The following TMPRSS6 variants were observed in gnomAD, a reference collection of about 807,000 sequenced individuals.
TMPRSS6 encodes transmembrane serine protease 6.
A neutral mutation model predicts 101.5 loss-of-function variants in TMPRSS6; 67 were observed. That is an observed-to-expected ratio of 0.66 (90% CI 0.54 to 0.81). TMPRSS6 has a LOEUF of 0.81. TMPRSS6 is among the 30% of genes least tolerant of loss of function. The pLI, the probability that TMPRSS6 is intolerant of heterozygous loss-of-function variation, is 0.00. For missense variants in TMPRSS6, 1,034 were observed against 1,088.7 expected (o/e 0.95, Z 0.71); for synonymous variants, 453 against 464.9 (o/e 0.97, Z 0.33).
At chr22:37,072,994 G>A (rs1349259224) in intron 13 of TMPRSS6, among the ~76,000 whole-genome samples, 1 of 150,994 alleles carries the variant, frequency 6.6e-6, no homozygotes, top group East Asian at 2.0e-4. Flanking sequence ...ATGGATAGAT[G>A]GATGATGGAT....
At chr22:37,068,133 T>G (rs1926510660) in intron 16 of TMPRSS6, among the ~76,000 whole-genome samples, 1 of 152,148 alleles carries the variant, frequency 6.6e-6, no homozygotes, top group Non-Finnish European at 1.5e-5. Flanking sequence ...CTCTTACCAC[T>G]GTCTGTCTCC....
chr22:37,066,308 G>A (rs1399756739), intron 17 of TMPRSS6, 70 bp from the exon 18 acceptor site: 5 of 1,445,124 alleles, frequency 3.5e-6, no homozygotes, highest in Non-Finnish European at 4.7e-6. Context: ...AAGAGCCATA[G>A]GGATTAAGTC....
chr22:37,103,688 G>T lies in TMPRSS6; in HGVS notation c.-1-270C>A, dbSNP rs1930529468. 5 of 1,164,012 alleles carry T rather than the reference G, an allele frequency of 4.3e-6. No homozygotes were observed. The highest frequency in any genetic ancestry group is 5.1e-6 in the Non-Finnish European group (4 of 791,788). 72.1% of individuals were successfully genotyped at this position (1,164,012 alleles called of 1,614,324 possible). ...TTTGCTTCCCACTGGCTTCCCTATG[G>T]TCAGAGGACAGACGGAGGTCTCAGT... is the stretch of plus-strand genomic sequence containing the variant. On this transcript the variant is annotated intron_variant, in intron 1 of 17. Transcript: ENST00000676104. This position sits in a 1 kb window ranked among gnomAD's most constrained non-coding sequence, Gnocchi z 4.4.
At chr22:37,066,274 T>A in intron 17 of TMPRSS6, 36 bp from the exon 18 acceptor site, 1 of 1,571,236 alleles carries the variant, frequency 6.4e-7, no homozygotes, top group African/African-American at 1.4e-5. Context: ...TGAAGCAGGG[T>A]AAGGGCACCC....
intron 6 of TMPRSS6, among the ~76,000 whole-genome samples, chr22:37,090,528 A>G (rs1013627425): frequency 1.3e-5 from 2 of 151,996 alleles, no homozygotes; most frequent in Non-Finnish European, 2.9e-5. Context: ...CCATCAGAAT[A>G]AAACAGGTGC....
chr22:37,100,264 C>T (rs1389023958), intron 2 of TMPRSS6, among the ~76,000 whole-genome samples: 1 of 152,254 alleles, frequency 6.6e-6, no homozygotes, highest in Admixed American at 6.5e-5. Flanking sequence ...ACGCGCCTGG[C>T]CCCAAGCGAG....
rs989664200 is a variant in TMPRSS6, at chr22:37,065,988, C to T, written c.*92G>A. ...ACCACAGGGCCTGCTCTCTCCCCCA[C>T]CCCCCGCCAGAATACTTGTCCCCCT... On this transcript the variant is annotated 3_prime_UTR_variant, in exon 18 of 18. Transcript: ENST00000676104. 3.2e-6 allele frequency: 5 copies of T among 1,552,110 alleles called. No homozygotes were observed. The highest frequency in any genetic ancestry group is 1.4e-5 in the African/African-American group (1 of 73,756).
chr22:37,074,598 C>A lies in TMPRSS6; in HGVS notation c.1441+12G>T. On this transcript the variant is annotated intron_variant, in intron 12 of 17. Transcript: ENST00000676104. Reference sequence around the variant, plus strand: ...GGCAGGGAGAGGAGGGATGCGCGGGCGGGTTACTCACCGCAGTTTCTCTCA... The same window carrying A: ...GGCAGGGAGAGGAGGGATGCGCGGGAGGGTTACTCACCGCAGTTTCTCTCA... 6 of 1,612,944 alleles carry A rather than the reference C, an allele frequency of 3.7e-6. No homozygotes were observed. Among genetic ancestry groups the A allele is most frequent in the Non-Finnish European group, 5.1e-6 (6 of 1,179,064 alleles).
rs1355742779 is a variant in TMPRSS6, at chr22:37,103,311, C to A, written c.107G>T (p.Arg36Ile). ...GMFKACEDSK[R>I]KARGYLRLVP... ...CAGGCGGAGGTAGCCCCGGGCTTTT[C>A]TCTTGGAGTCCTCACAGGCCTTGAA... Residue 36 changes from arginine (R) to isoleucine (I), a missense_variant, in exon 2 of 18, where the codon AGA becomes ATA. By Grantham distance (97) the Arg-to-Ile change is moderately conservative. Transcript: ENST00000676104. The surrounding 1 kb of genome is among the most constrained non-coding windows in gnomAD (Gnocchi z 4.4). 4 of 1,614,234 alleles carry A rather than the reference C, an allele frequency of 2.5e-6. No individual in the cohort carries two copies. The highest frequency in any genetic ancestry group is 3.4e-6 in the Non-Finnish European group (4 of 1,180,038).
intron 8 of TMPRSS6, among the ~76,000 whole-genome samples, chr22:37,085,655 G>A (rs999249012): frequency 3.3e-5 from 5 of 152,134 alleles, no homozygotes; most frequent in African/African-American, 4.8e-5. Flanking sequence ...GGGGTGGGAC[G>A]TGCCCTTCCT....
chr22:37,092,751 C>T (rs192510383), intron 6 of TMPRSS6, among the ~76,000 whole-genome samples: 2 of 152,364 alleles, frequency 1.3e-5, no homozygotes, highest in Non-Finnish European at 2.9e-5. Context: ...TCAACTTGGC[C>T]TCCCAAAGTG....
intron 1 of TMPRSS6, among the ~76,000 whole-genome samples, chr22:37,106,954 A>G (rs144009759): frequency 0.011 from 1,613 of 152,326 alleles, 14 homozygotes; most frequent in Non-Finnish European, 0.017. Context: ...CAGATCAAGA[A>G]TATGCCTTGG....
rs976867694 is a variant in TMPRSS6, at chr22:37,084,727, C to T, written c.1086G>A (p.Thr362=). 1.0e-5 allele frequency: 16 copies of T among 1,559,018 alleles called. No individual in the cohort carries two copies. Among genetic ancestry groups the T allele is most frequent in the South Asian group, 7.1e-5 (6 of 84,666 alleles). ...SPQTHCSWHL[T]VPSLDYGLAL... ...GTGGGCAGGCAGGGTGGGGTCTCAC[C>T]GTGAGGTGCCAGGAGCAGTGGGTTT... The change falls in exon 9 of 18, where the codon ACG becomes ACA. Residue 362 remains threonine, a splice_region_variant and synonymous_variant. Coordinates refer to ENST00000676104, the MANE Select transcript of TMPRSS6 (RefSeq NM_001374504.1).
At chr22:37,078,767 GAGGAGA>G (rs1342799881) in intron 10 of TMPRSS6, among the ~76,000 whole-genome samples, 8 of 61,736 alleles carry the variant, frequency 1.3e-4, no homozygotes, top group African/African-American at 6.6e-4. Context: ...GAAAGAGAAT[GAGGAGA>G]AGGAGGAGGA....
intron 9 of TMPRSS6, 42 bp from the exon 10 acceptor site, chr22:37,084,446 G>A (rs371733127): frequency 3.2e-4 from 481 of 1,502,458 alleles, no homozygotes; most frequent in Middle Eastern, 6.2e-4. Flanking sequence ...CATGGGGTGT[G>A]GCCAGGTTGG....
At chr22:37,098,298 G>T in intron 3 of TMPRSS6, 118 bp downstream of exon 3, 2 of 1,469,562 alleles carry the variant, frequency 1.4e-6, no homozygotes, top group Non-Finnish European at 1.9e-6. Flanking sequence ...CTGGAGCAGG[G>T]CTGTGGTCCC....
intron 10 of TMPRSS6, chr22:37,082,899 G>T (rs555414918): frequency 6.6e-5 from 30 of 452,660 alleles, no homozygotes; most frequent in African/African-American, 4.9e-4. Flanking sequence ...TTGCAAAAAG[G>T]AGTCAAGCAA....
intron 6 of TMPRSS6, among the ~76,000 whole-genome samples, chr22:37,092,983 A>T (rs1929405542): frequency 6.6e-6 from 1 of 152,150 alleles, no homozygotes; most frequent in Non-Finnish European, 1.5e-5. Context: ...ACCTGGTGTT[A>T]TGAGAATCTG....
chr22:37,079,897 G>A (rs1182915435), intron 10 of TMPRSS6, among the ~76,000 whole-genome samples: 1 of 152,234 alleles, frequency 6.6e-6, no homozygotes, highest in African/African-American at 2.4e-5. Context: ...CGCCTGTGCT[G>A]GCCACTAGCG....
Sources: gnomAD v4.1 joint callset for allele counts (sites outside exome capture counted in the v4.1 genomes callset) on GRCh38, gnomAD v4.1.1 for gene constraint, Gnocchi (gnomAD v3.1) non-coding constraint, MANE v1.5 for transcripts, NCBI Gene and HGNC (gene_info 2026-07-23, HGNC 2026-07-21) for gene names.